Variants in REL observed in about 807,000 individuals in gnomAD.
REL encodes REL proto-oncogene, NF-kB subunit, also known as proto-oncogene c-Rel.
REL carries 15 observed loss-of-function variants against 45.9 expected under a neutral mutation model. That is an observed-to-expected ratio of 0.33 (90% CI 0.22 to 0.50). The LOEUF is 0.50. Ranked by LOEUF, REL falls within the 20% of genes least tolerant of loss-of-function variation. The probability of loss-of-function intolerance (pLI) is 0.98; values close to 1 mark genes in which losing one functional copy is unlikely to be tolerated. For synonymous variants in REL, 239 were observed against 242.1 expected, an observed-to-expected ratio of 0.99 and a Z score of 0.12; for missense variants, 601 against 715.2, an observed-to-expected ratio of 0.84 and a Z score of 1.82.
Position 60,920,712 on chromosome 2 carries a change from C to T in REL, c.991+70C>T, listed in dbSNP as rs1432058585. On this transcript the variant is annotated intron_variant, in intron 9 of 9. Coordinates refer to ENST00000394479, the MANE Select transcript of REL (RefSeq NM_001291746.2). ...GTACTTTGCACAATATATTGGAATT[C>T]TATTTTTAGGAATGAATAACTGCTT... 3.2e-6 allele frequency: 3 copies of T among 948,738 alleles called. No homozygotes were observed. In the African/African-American group the frequency reaches 5.1e-5, roughly 16 times the overall value. 58.8% of individuals were successfully genotyped at this position (948,738 alleles called of 1,614,324 possible). A position where few individuals can be genotyped will look rare whatever the true frequency, so the allele number is the denominator to read the frequency against.
intron 1 of REL, among the ~76,000 whole-genome samples, chr2:60,883,524 G>C (rs890490852): frequency 3.9e-5 from 6 of 152,276 alleles, no homozygotes; most frequent in African/African-American, 1.4e-4. Context: ...TAATGTATTG[G>C]TTATCAGAAA....
intron 3 of REL, 71 bp from the exon 4 acceptor site, chr2:60,900,921 C>T: frequency 1.6e-6 from 2 of 1,272,944 alleles, no homozygotes; most frequent in Non-Finnish European, 2.2e-6. Flanking sequence ...TTCAGTATTG[C>T]TATATGTTTG....
intron 4 of REL, chr2:60,911,588 A>C (rs1348276742): frequency 6.6e-6 from 1 of 152,224 alleles, no homozygotes; most frequent in Non-Finnish European, 1.5e-5. Flanking sequence ...GTAGAAACAA[A>C]TCAAAGAAAT....
chr2:60,881,895 C>G lies in REL; in HGVS notation c.10+45C>G, dbSNP rs561554776. ...GGGCCTGGGCCGGGGGAAAGGAGCT[C>G]TTCTGAAGGGGGTCCTGCCGCAGTG... On this transcript the variant is annotated intron_variant, in intron 1 of 9. Coordinates refer to ENST00000394479, the MANE Select transcript of REL (RefSeq NM_001291746.2). 84 of 1,372,364 alleles carry G rather than the reference C, an allele frequency of 6.1e-5. 1 individual carries two copies. The East Asian group carries it at 2.5e-3, about 40-fold the overall frequency. 85.0% of individuals were successfully genotyped at this position (1,372,364 alleles called of 1,614,324 possible).
Position 60,901,047 on chromosome 2 carries a change from A to T in REL, c.358A>T (p.Ile120Phe), listed in dbSNP as rs765792989. ...VKKKEVKEAIITRIKAGINPF... is the reference protein window; with the variant it reads ...VKKKEVKEAIFTRIKAGINPF... ...GAAAAAAGAAGTAAAAGAAGCTATT[A>T]TTACAAGAATAAAGGCAGGAATCAA... The change falls in exon 4 of 10, where the codon ATT becomes TTT. Residue 120 changes from isoleucine to phenylalanine, a missense_variant. By Grantham distance (21) the Ile-to-Phe change is conservative. This residue lies in a region of REL where 241 missense variants were observed against 347.0 expected (regional missense o/e 0.69). Coordinates refer to ENST00000394479, the MANE Select transcript of REL (RefSeq NM_001291746.2). 6.2e-7 allele frequency: 1 copy of T among 1,609,546 alleles called. No individual in the cohort carries two copies. The highest frequency in any genetic ancestry group is 1.3e-5 in the African/African-American group (1 of 74,640).
chr2:60,896,699 G>A (rs878904084), intron 3 of REL, among the ~76,000 whole-genome samples: 1 of 152,130 alleles, frequency 6.6e-6, no homozygotes, highest in Admixed American at 6.5e-5. Flanking sequence ...TTTACACTGT[G>A]ATCACTCCTT....
rs1674048498 is a variant in REL, at chr2:60,918,610, TG to T, written c.853+5del. Reference sequence around the variant, plus strand: ...AGATATCTGCCAGATGAAAAAGGTATGACATTTTGCTGGTAATAATTTATAT... The same window carrying T: ...AGATATCTGCCAGATGAAAAAGGTATACATTTTGCTGGTAATAATTTATAT... On this transcript the variant is annotated splice_donor_5th_base_variant and intron_variant, in intron 7 of 9. Coordinates refer to ENST00000394479, the MANE Select transcript of REL (RefSeq NM_001291746.2). 6.3e-7 allele frequency: 1 copy of T among 1,594,804 alleles called. No individual in the cohort carries two copies. Among genetic ancestry groups the T allele is most frequent in the African/African-American group, 1.3e-5 (1 of 74,552 alleles).
chr2:60,911,758 T>C lies in REL; in HGVS notation c.395-5119T>C, dbSNP rs1292384119. Reference sequence around the variant, plus strand: ...GCTCACACCTGTAATCCCAGCACTTTGGGAGGCCGAGGCGGGCGGATCACA... The same window carrying C: ...GCTCACACCTGTAATCCCAGCACTTCGGGAGGCCGAGGCGGGCGGATCACA... On this transcript the variant is annotated intron_variant, in intron 4 of 9. Coordinates refer to ENST00000394479, the MANE Select transcript of REL (RefSeq NM_001291746.2). Among the ~76,000 whole-genome samples, 5 of 152,116 alleles carry C rather than the reference T, an allele frequency of 3.3e-5. No individual in the cohort carries two copies. In the East Asian group the frequency reaches 7.7e-4, roughly 23 times the overall value.
At position 60,925,888 on chromosome 2, in the gene REL, AAAT is replaced by A; in HGVS notation, c.*3356_*3358del. 4.5e-6 allele frequency: 1 copy of A among 223,702 alleles called. No individual in the cohort carries two copies. Among genetic ancestry groups the A allele is most frequent in the African/African-American group, 2.2e-5 (1 of 44,844 alleles). The allele number at this position is 223,702 out of a possible 1,614,324, so 13.9% of individuals were successfully genotyped here. On this transcript the variant is annotated 3_prime_UTR_variant, in exon 10 of 10. Coordinates refer to ENST00000394479, the MANE Select transcript of REL (RefSeq NM_001291746.2). Reference sequence around the variant, plus strand: ...GTGTTTAGAATATTTTTTTAAAACTAAATAAGTGTTGGCTAGTTTTGCGGTGTA... The same window carrying A: ...GTGTTTAGAATATTTTTTTAAAACTAAAGTGTTGGCTAGTTTTGCGGTGTA...
chr2:60,897,266 CAAAAT>C (rs1673373545), intron 3 of REL, among the ~76,000 whole-genome samples: 1 of 151,318 alleles, frequency 6.6e-6, no homozygotes, highest in Non-Finnish European at 1.5e-5. Context: ...TACTTTCTGA[CAAAAT>C]GAAATGTTCA....
At chr2:60,904,037 A>G (rs113119076) in intron 4 of REL, among the ~76,000 whole-genome samples, 1 of 152,190 alleles carries the variant, frequency 6.6e-6, no homozygotes, top group Non-Finnish European at 1.5e-5. Flanking sequence ...TAAGTGCTTT[A>G]TATATTTTAT....
intron 4 of REL, among the ~76,000 whole-genome samples, chr2:60,912,132 A>C (rs1027792346): frequency 6.6e-6 from 1 of 152,128 alleles, no homozygotes; most frequent in Middle Eastern, 3.2e-3. Flanking sequence ...TGACCTCATC[A>C]GATAGAAGTA....
rs2564106 is a variant in REL, at chr2:60,881,878, G to A, written c.10+28G>A. On this transcript the variant is annotated intron_variant, in intron 1 of 9. Coordinates refer to ENST00000394479, the MANE Select transcript of REL (RefSeq NM_001291746.2). Reference sequence around the variant, plus strand: ...GAGTGTTCATGGGGCGCGGGCCTGGGCCGGGGGAAAGGAGCTCTTCTGAAG... The same window carrying A: ...GAGTGTTCATGGGGCGCGGGCCTGGACCGGGGGAAAGGAGCTCTTCTGAAG... 12 of 1,448,046 alleles carry A rather than the reference G, an allele frequency of 8.3e-6. No individual in the cohort carries two copies. The East Asian group carries it at 1.7e-4, about 21-fold the overall frequency. The allele number at this position is 1,448,046 out of a possible 1,614,324, so 89.7% of individuals were successfully genotyped here.
chr2:60,895,488 C>T (rs1438507172), intron 3 of REL, among the ~76,000 whole-genome samples: 2 of 152,056 alleles, frequency 1.3e-5, no homozygotes, highest in Non-Finnish European at 2.9e-5. Flanking sequence ...CGCCCATTTA[C>T]AGTTAACATA....
chr2:60,902,024 C>G (rs1673511611), intron 4 of REL, among the ~76,000 whole-genome samples: 1 of 152,138 alleles, frequency 6.6e-6, no homozygotes, highest in Admixed American at 6.6e-5. Context: ...TACTACCACA[C>G]TAGATGCTGG....
Position 60,883,259 on chromosome 2 carries a change from C to T in REL, c.10+1409C>T, listed in dbSNP as rs548992728. ...CTAGTAGAGATGAGGAAGTAGGAAG[C>T]TTAAAGAACCTTTTTAAAAGGTTGA... On this transcript the variant is annotated intron_variant, in intron 1 of 9. Coordinates refer to ENST00000394479, the MANE Select transcript of REL (RefSeq NM_001291746.2). Among the ~76,000 whole-genome samples, 4 of 152,240 alleles carry T rather than the reference C, an allele frequency of 2.6e-5. No individual in the cohort carries two copies. In the South Asian group the frequency reaches 8.3e-4, roughly 32 times the overall value.
chr2:60,906,150 G>A (rs1673642521), intron 4 of REL, among the ~76,000 whole-genome samples: 1 of 152,168 alleles, frequency 6.6e-6, no homozygotes, highest in Non-Finnish European at 1.5e-5. Flanking sequence ...TACCACGAGA[G>A]CAGTATGGGG....
rs780120243 is a variant in REL, at chr2:60,926,788, C to T, written c.*4253C>T. ...CACACTCATACTTAATCATCAAGTC[C>T]TTTTGAGCTTGTCTCCTCTTGAATA... On this transcript the variant is annotated 3_prime_UTR_variant, in exon 10 of 10. Coordinates refer to ENST00000394479, the MANE Select transcript of REL (RefSeq NM_001291746.2). The T allele has an allele frequency of 4.4e-6, 1 of 227,412 alleles. No homozygotes were observed. The highest frequency in any genetic ancestry group is 5.7e-5 in the Admixed American group (1 of 17,552). The allele number at this position is 227,412 out of a possible 1,614,324, so 14.1% of individuals were successfully genotyped here. A position where few individuals can be genotyped will look rare whatever the true frequency, so the allele number is the denominator to read the frequency against.
At position 60,925,680 on chromosome 2, in the gene REL, G is replaced by A. The variant is rs1262845902; in HGVS notation, c.*3145G>A. 5.4e-6 allele frequency: 1 copy of A among 186,114 alleles called. No homozygotes were observed. The highest frequency in any genetic ancestry group is 7.9e-5 in the East Asian group (1 of 12,660). The allele number at this position is 186,114 out of a possible 1,614,324, so 11.5% of individuals were successfully genotyped here. ...CCCAGGATGTCTCTAGATGATGATG[G>A]ATGATAGGTGGGGAGATTTTTTTTT... On this transcript the variant is annotated 3_prime_UTR_variant, in exon 10 of 10. Coordinates refer to ENST00000394479, the MANE Select transcript of REL (RefSeq NM_001291746.2).
Sources: gnomAD v4.1 joint callset for allele counts (sites outside exome capture counted in the v4.1 genomes callset) on GRCh38, gnomAD v4.1.1 for gene constraint, gnomAD v4.1.1 regional missense constraint, MANE v1.5 for transcripts, NCBI Gene and HGNC (gene_info 2026-07-23, HGNC 2026-07-21) for gene names.